The following ENOX2 variants were observed in gnomAD, a reference collection of about 807,000 sequenced individuals.
ENOX2 encodes the protein ecto-NOX disulfide-thiol exchanger 2, also known as APK1 antigen.
A neutral mutation model predicts 45.0 loss-of-function variants in ENOX2; 36 were observed. That is an observed-to-expected ratio of 0.80 (90% CI 0.61 to 1.06). The LOEUF is 1.06. Ranked by LOEUF, ENOX2 falls within the 50% of genes least tolerant of loss-of-function variation. The probability of loss-of-function intolerance (pLI) is 0.00; values close to 1 mark genes in which losing one functional copy is unlikely to be tolerated. For missense variants in ENOX2, 423 were observed against 462.5 expected (o/e 0.91, Z 0.78); for synonymous variants, 174 against 152.3 (o/e 1.14, Z -1.05).
chrX:130,790,060 A>G (rs2077020398), intron 2 of ENOX2, among the ~76,000 whole-genome samples: 1 of 113,233 alleles, frequency 8.8e-6, no homozygotes, highest in African/African-American at 3.2e-5. Context: ...ACTGATGTCA[A>G]ACAAATGAAA....
At chrX:130,650,271 G>A (rs2036364241) in intron 10 of ENOX2, among the ~76,000 whole-genome samples, 1 of 111,822 alleles carries the variant, frequency 8.9e-6, no homozygotes, top group Non-Finnish European at 1.9e-5. Context: ...AGGAGAGACT[G>A]TTTTTGTCCT....
At chrX:130,751,568 G>A (rs1489053772) in intron 3 of ENOX2, among the ~76,000 whole-genome samples, 1 of 111,287 alleles carries the variant, frequency 9.0e-6, no homozygotes, top group Non-Finnish European at 1.9e-5. Flanking sequence ...CTATCCTTTT[G>A]GATATACCCA....
chrX:130,793,771 A>G (rs2077078959), intron 2 of ENOX2, among the ~76,000 whole-genome samples: 2 of 112,350 alleles, frequency 1.8e-5, no homozygotes, highest in African/African-American at 3.2e-5. Context: ...AGCAAAATAC[A>G]TATTTCCAAC....
At position 130,635,023 on chromosome X, in the gene ENOX2, C is replaced by G; in HGVS notation, c.1380G>C (p.Lys460Asn). The change falls in exon 12 of 15, where the codon AAG becomes AAC. Residue 460 changes from lysine to asparagine, a missense_variant. Coordinates refer to ENST00000394363, the MANE Select transcript of ENOX2 (RefSeq NM_006375.4). ...TTTCCAACATTTTTTCCACCTGTAA[C>G]TTGTCATCTTTGAGTTTTTCAAGTT... ...EAELEKLKDD[K>N]LQVEKMLENL... 8.4e-7 allele frequency: 1 copy of G among 1,195,654 alleles called. No homozygotes were observed. Among genetic ancestry groups the G allele is most frequent in the Non-Finnish European group, 1.1e-6 (1 of 882,078 alleles).
intron 2 of ENOX2, among the ~76,000 whole-genome samples, chrX:130,853,483 A>AG (rs2078256283): frequency 9.3e-6 from 1 of 107,772 alleles, no homozygotes; most frequent in African/African-American, 3.4e-5. Context: ...AAAAAAAAAA[A>AG]AAAGAAAGAA....
chrX:130,790,810 A>T (rs754442887), intron 2 of ENOX2, among the ~76,000 whole-genome samples: 1 of 112,321 alleles, frequency 8.9e-6, no homozygotes, highest in African/African-American at 3.2e-5. Flanking sequence ...CATACACAGC[A>T]ACAGAGAGAG....
At chrX:130,704,579 A>G (rs2037989371) in intron 3 of ENOX2, among the ~76,000 whole-genome samples, 1 of 111,397 alleles carries the variant, frequency 9.0e-6, no homozygotes, top group African/African-American at 3.3e-5. Flanking sequence ...ATTACAACCC[A>G]TGAAGGCAAC....
intron 2 of ENOX2, among the ~76,000 whole-genome samples, chrX:130,821,742 T>TA: frequency 0.017 from 405 of 23,150 alleles, 22 homozygotes; most frequent in East Asian, 0.022. Context: ...ATAAATAAAT[T>TA]AAAAAAAAAA....
chrX:130,874,481 CAAG>C (rs1367134724), intron 2 of ENOX2, among the ~76,000 whole-genome samples: 1 of 111,757 alleles, frequency 8.9e-6, no homozygotes, highest in African/African-American at 3.3e-5. Flanking sequence ...GCTTAATAAC[CAAG>C]AAGAAGCAAA....
chrX:130,897,214 T>G (rs969531771), intron 2 of ENOX2, among the ~76,000 whole-genome samples: 1 of 112,223 alleles, frequency 8.9e-6, no homozygotes, highest in African/African-American at 3.2e-5. Flanking sequence ...ACAGAGCAAC[T>G]GGAGCTATTC....
chrX:130,735,947 C>T (rs762081123), intron 3 of ENOX2, among the ~76,000 whole-genome samples: 13 of 111,696 alleles, frequency 1.2e-4, no homozygotes, highest in Non-Finnish European at 2.1e-4. Flanking sequence ...AAAATGTATG[C>T]GATGAAATGC....
chrX:130,631,474 G>C lies in ENOX2; in HGVS notation c.1522C>G (p.Leu508Val), dbSNP rs773282983. The C allele has an allele frequency of 8.8e-7, 1 of 1,141,808 alleles. No homozygotes were observed. Among genetic ancestry groups the C allele is most frequent in the East Asian group, 3.0e-5 (1 of 33,559 alleles). The allele number at this position is 1,141,808 out of a possible 1,213,427, so 94.1% of individuals were successfully genotyped here. The change falls in exon 13 of 15, where the codon CTA becomes GTA. Residue 508 changes from leucine to valine, a missense_variant. Leu to Val is a conservative substitution (Grantham distance 32). Transcript: ENST00000394363. ...SPIKSEREAL[L>V]VGIISTFLHV... ...TGTGCATTAGCTTCCTTACCCACTA[G>C]CAGTGCTTCACGTTCAGATTTGATA...
At chrX:130,674,180 C>T (rs1485569168) in intron 6 of ENOX2, among the ~76,000 whole-genome samples, 1 of 110,616 alleles carries the variant, frequency 9.0e-6, no homozygotes, top group African/African-American at 3.3e-5. Flanking sequence ...TGAAAATTAA[C>T]TATTGGATAT....
chrX:130,785,107 C>T (rs1283286407), intron 2 of ENOX2, among the ~76,000 whole-genome samples: 1 of 109,228 alleles, frequency 9.2e-6, no homozygotes, highest in Non-Finnish European at 1.9e-5. Flanking sequence ...AGGCAGATCA[C>T]CTGAGGTCAG....
At chrX:130,880,257 G>A (rs2078786840) in intron 2 of ENOX2, among the ~76,000 whole-genome samples, 1 of 111,614 alleles carries the variant, frequency 9.0e-6, no homozygotes, top group East Asian at 2.8e-4. Context: ...TGGGATCTAG[G>A]CAACAGAGGG....
At chrX:130,877,857 A>G (rs904485030) in intron 2 of ENOX2, among the ~76,000 whole-genome samples, 3 of 112,207 alleles carry the variant, frequency 2.7e-5, no homozygotes, top group African/African-American at 9.7e-5. Context: ...AAGAGCTTCA[A>G]ATACTTCCCT....
intron 2 of ENOX2, among the ~76,000 whole-genome samples, chrX:130,857,867 CTTT>C (rs936660343): frequency 3.6e-5 from 4 of 111,499 alleles, no homozygotes; most frequent in Non-Finnish European, 7.5e-5. Flanking sequence ...TTAGAAAACT[CTTT>C]TGTCTCAAAT....
chrX:130,630,888 T>C (rs1423655732), intron 13 of ENOX2, among the ~76,000 whole-genome samples: 1 of 110,976 alleles, frequency 9.0e-6, no homozygotes, highest in African/African-American at 3.3e-5. Flanking sequence ...AATTCAACTG[T>C]AGGACACCCA....
At chrX:130,793,063 C>T (rs2148414681) in intron 2 of ENOX2, among the ~76,000 whole-genome samples, 1 of 112,440 alleles carries the variant, frequency 8.9e-6, no homozygotes, top group African/African-American at 3.2e-5. Flanking sequence ...GTGTATAAAA[C>T]AGGTCACTTG....
Sources: gnomAD v4.1 joint callset for allele counts (sites outside exome capture counted in the v4.1 genomes callset) on GRCh38, gnomAD v4.1.1 for gene constraint, MANE v1.5 for transcripts, NCBI Gene and HGNC (gene_info 2026-07-23, HGNC 2026-07-21) for gene names.